The following ADGRL2 variants were observed in gnomAD, a reference collection of about 807,000 sequenced individuals.
The protein encoded by ADGRL2 is adhesion G protein-coupled receptor L2, also known as calcium-independent alpha-latrotoxin receptor 2.
Under a neutral mutation model 157.4 loss-of-function variants are expected in ADGRL2, and 44 were observed. That is an observed-to-expected ratio of 0.28 (90% CI 0.22 to 0.36). The LOEUF (loss-of-function observed/expected upper bound fraction) is 0.36, where lower values mean the gene tolerates loss of function less well. ADGRL2 is among the 10% of genes least tolerant of loss of function. ADGRL2 has a pLI of 1.00. For synonymous variants in ADGRL2, 585 were observed against 624.7 expected (o/e 0.94, Z 0.95); for missense variants, 1,510 against 1,768.9 (o/e 0.85, Z 2.63).
At chr1:81,838,740 C>G (rs971403347) in intron 2 of ADGRL2, among the ~76,000 whole-genome samples, 4 of 151,968 alleles carry the variant, frequency 2.6e-5, no homozygotes, top group Non-Finnish European at 5.9e-5. Flanking sequence ...AGTAGCTTAA[C>G]TCAGTGGGGG....
chr1:81,464,946 AAG>A (rs1491033593), intron 2 of ADGRL2, among the ~76,000 whole-genome samples: 19 of 149,676 alleles, frequency 1.3e-4, no homozygotes, highest in African/African-American at 3.0e-4. Flanking sequence ...AAAAAAAAAA[AAG>A]AAGAAGAAAA....
intron 1 of ADGRL2, among the ~76,000 whole-genome samples, chr1:81,352,682 C>G (rs1410090): frequency 0.94 from 142,469 of 152,242 alleles, 66,802 homozygotes; most frequent in African/African-American, 0.99. Context: ...GGTTTTTAAA[C>G]CTCCGTTGGT....
intron 2 of ADGRL2, among the ~76,000 whole-genome samples, chr1:81,881,134 A>G (rs974071351): frequency 6.6e-6 from 1 of 152,094 alleles, no homozygotes; most frequent in Admixed American, 6.5e-5. Flanking sequence ...AACTTTATAT[A>G]TATATATTTT....
chr1:81,699,111 A>G (rs1209264671), upstream of ADGRL2, among the ~76,000 whole-genome samples: 10 of 152,312 alleles, frequency 6.6e-5, no homozygotes, highest in South Asian at 1.0e-3. Context: ...AGCGATATTC[A>G]TTTTGATTGT....
At chr1:81,709,849 A>G (rs1172286782) in intron 1 of ADGRL2, among the ~76,000 whole-genome samples, 3 of 152,218 alleles carry the variant, frequency 2.0e-5, no homozygotes, top group Non-Finnish European at 4.4e-5. Context: ...CCTATTCCAA[A>G]CAAATTCTTG....
In ADGRL2 at chr1:81,505,901, G is replaced by T. The variant is rs1010055823; in HGVS notation, c.-248+60812G>T. 7 of 323,206 alleles carry T rather than the reference G, an allele frequency of 2.2e-5. No homozygotes were observed. In the Admixed American group the frequency reaches 2.5e-4, roughly 11 times the overall value. 20.0% of individuals were successfully genotyped at this position (323,206 alleles called of 1,614,324 possible). Reference sequence around the variant, plus strand: ...ATTACACAATTTTCATTAAAATCATGTAAAAAGCACCACGCTGTGCAAAAG... The same window carrying T: ...ATTACACAATTTTCATTAAAATCATTTAAAAAGCACCACGCTGTGCAAAAG... On this transcript the variant is annotated intron_variant, in intron 2 of 24. Transcript: ENST00000370721.
At chr1:81,611,649 C>T (rs1232497240) in intron 3 of ADGRL2, among the ~76,000 whole-genome samples, 2 of 152,166 alleles carry the variant, frequency 1.3e-5, no homozygotes, top group African/African-American at 4.8e-5. Context: ...TCTTAGCTAA[C>T]AATGATTCAA....
intron 2 of ADGRL2, among the ~76,000 whole-genome samples, chr1:81,786,018 T>C (rs1557650299): frequency 6.6e-6 from 1 of 152,054 alleles, no homozygotes; most frequent in Admixed American, 6.6e-5. Context: ...GTAGGGGGAC[T>C]GCTTGAGCCT....
chr1:81,386,610 T>G (rs2076440408), intron 1 of ADGRL2, among the ~76,000 whole-genome samples: 1 of 152,118 alleles, frequency 6.6e-6, no homozygotes, highest in Non-Finnish European at 1.5e-5. Flanking sequence ...TAGAAAACAT[T>G]AAAAGAAATA....
intron 1 of ADGRL2, among the ~76,000 whole-genome samples, chr1:81,332,143 G>GA (rs918500489): frequency 6.6e-6 from 1 of 151,776 alleles, no homozygotes; most frequent in East Asian, 1.9e-4. Flanking sequence ...GAAACGAGAA[G>GA]AAAAAAAACA....
chr1:81,908,481 G>T (rs964585959), intron 3 of ADGRL2, among the ~76,000 whole-genome samples: 6 of 152,112 alleles, frequency 3.9e-5, no homozygotes, highest in African/African-American at 1.4e-4. Context: ...AGACACAGTT[G>T]ATCCATGCAC....
chr1:81,417,995 A>AG (rs2077061101), intron 1 of ADGRL2, among the ~76,000 whole-genome samples: 2 of 152,174 alleles, frequency 1.3e-5, no homozygotes, highest in Non-Finnish European at 2.9e-5. Flanking sequence ...CTTGAAAATA[A>AG]CTCATAATGA....
chr1:81,693,762 A>G (rs1231261112), intron 3 of ADGRL2, among the ~76,000 whole-genome samples: 1 of 152,220 alleles, frequency 6.6e-6, no homozygotes, highest in Non-Finnish European at 1.5e-5. Flanking sequence ...CAGAGAAGAC[A>G]ATACTCTGTT....
chr1:81,647,630 C>T (rs1317188253), intron 3 of ADGRL2, among the ~76,000 whole-genome samples: 2 of 152,162 alleles, frequency 1.3e-5, no homozygotes, highest in Non-Finnish European at 2.9e-5. Flanking sequence ...TCCCAAAAAT[C>T]TAAAACATTT....
At chr1:81,946,910 A>C (rs1005194498) in intron 6 of ADGRL2, among the ~76,000 whole-genome samples, 1 of 152,160 alleles carries the variant, frequency 6.6e-6, no homozygotes, top group African/African-American at 2.4e-5. Context: ...CTTAGCATAA[A>C]TGTCTGTTGT....
At chr1:81,581,871 C>T (rs1422456333) in intron 3 of ADGRL2, among the ~76,000 whole-genome samples, 6 of 19,654 alleles carry the variant, frequency 3.1e-4, no homozygotes, top group South Asian at 1.8e-3. Flanking sequence ...CACACACATG[C>T]GCGCACACAC....
At chr1:81,973,862 G>C (rs1336013044) in intron 17 of ADGRL2, among the ~76,000 whole-genome samples, 1 of 152,084 alleles carries the variant, frequency 6.6e-6, no homozygotes, top group African/African-American at 2.4e-5. Flanking sequence ...TGGTATAGGA[G>C]TACAAAACAG....
intron 1 of ADGRL2, among the ~76,000 whole-genome samples, chr1:81,312,106 A>T (rs1557587050): frequency 6.6e-6 from 1 of 152,232 alleles, no homozygotes; most frequent in South Asian, 2.1e-4. Flanking sequence ...CTCTCCAGGA[A>T]TGAATACGTT....
intron 1 of ADGRL2, among the ~76,000 whole-genome samples, chr1:81,725,875 T>G (rs1408087389): frequency 6.6e-6 from 1 of 152,078 alleles, no homozygotes; most frequent in Non-Finnish European, 1.5e-5. Flanking sequence ...CCCCGCTAGT[T>G]GCGGGGCTGA....
Sources: allele counts gnomAD v4.1 joint callset (sites outside exome capture counted in the v4.1 genomes callset), GRCh38; gene constraint gnomAD v4.1.1; transcripts MANE v1.5; gene names NCBI Gene and HGNC (gene_info 2026-07-23, HGNC 2026-07-21).